WEE1: variants seen among roughly 807,000 people sequenced by gnomAD.
WEE1 encodes the protein wee1-like protein kinase.
WEE1 carries 16 observed loss-of-function variants against 68.8 expected under a neutral mutation model. That is an observed-to-expected ratio of 0.23 (90% CI 0.16 to 0.35). The LOEUF is 0.35. Ranked by LOEUF, WEE1 falls within the 10% of genes least tolerant of loss-of-function variation. The pLI, the probability that WEE1 is intolerant of heterozygous loss-of-function variation, is 1.00. For missense variants in WEE1, 651 were observed against 824.1 expected, an observed-to-expected ratio of 0.79 and a Z score of 2.57; for synonymous variants, 349 against 318.7, an observed-to-expected ratio of 1.09 and a Z score of -1.01.
intron 5 of WEE1, chr11:9,577,964 G>C (rs1849582337): frequency 2.2e-6 from 1 of 449,244 alleles, no homozygotes; most frequent in South Asian, 1.6e-5. Context: ...GTCTTGGTCA[G>C]AATTCTGGTT....
chr11:9,586,729 C>G lies in WEE1; in HGVS notation c.1660C>G (p.Pro554Ala). The G allele has an allele frequency of 6.2e-7, 1 of 1,613,862 alleles. No homozygotes were observed. Among genetic ancestry groups the G allele is most frequent in the Non-Finnish European group, 8.5e-7 (1 of 1,179,980 alleles). Residue 554 changes from proline to alanine, a missense_variant, in exon 10 of 11, where the codon CCA (proline) becomes GCA (alanine). Pro to Ala is a conservative substitution (Grantham distance 27). Around this residue, in one of 5 missense-constraint regions of WEE1, gnomAD observed 115 missense variants for 142.7 expected, o/e 0.81. Transcript: ENST00000450114. The stretch of plus-strand genomic sequence containing the variant: ...TTTTAAGGTTATGATTCATCCAGAT[C>G]CAGAGAGAAGACCTTCAGCAATGGC... ...ELLKVMIHPD[P>A]ERRPSAMALV...
chr11:9,588,832 C>T lies in WEE1; in HGVS notation c.*230C>T. On this transcript the variant is annotated 3_prime_UTR_variant, in exon 11 of 11. Coordinates refer to ENST00000450114, the MANE Select transcript of WEE1 (RefSeq NM_003390.4). ...TAGGATGTGTCACTGTTGGATGTTACACCAGCCTTTCCAGGGTTAACCACT... is the reference window on the plus strand; with the variant it reads ...TAGGATGTGTCACTGTTGGATGTTATACCAGCCTTTCCAGGGTTAACCACT... 1.8e-6 allele frequency: 2 copies of T among 1,117,698 alleles called. No homozygotes were observed. The highest frequency in any genetic ancestry group is 3.3e-5 in the South Asian group (1 of 30,248). The allele number at this position is 1,117,698 out of a possible 1,614,324, so 69.2% of individuals were successfully genotyped here. A position where few individuals can be genotyped will look rare whatever the true frequency, so the allele number is the denominator to read the frequency against.
chr11:9,580,844 T>A (rs575755691), intron 5 of WEE1: 1 of 152,364 alleles, frequency 6.6e-6, no homozygotes, highest in African/African-American at 2.4e-5. Flanking sequence ...TAGAGTGATC[T>A]TTAAGATAAT....
At chr11:9,582,912 A>C (rs992947054) in intron 6 of WEE1, among the ~76,000 whole-genome samples, 2 of 152,206 alleles carry the variant, frequency 1.3e-5, no homozygotes, top group African/African-American at 2.4e-5. Context: ...TTAAGGCAGT[A>C]AATGTGAATT....
intron 5 of WEE1, 131 bp downstream of exon 5, chr11:9,577,394 T>C (rs1257692174): frequency 8.3e-7 from 1 of 1,210,542 alleles, no homozygotes; most frequent in African/African-American, 1.5e-5. Flanking sequence ...AGACCTAACA[T>C]AAATTTCAAG....
In WEE1 at chr11:9,576,465, A is replaced by G. The variant is rs775269428; in HGVS notation, c.847-22A>G. 1.1e-5 allele frequency: 18 copies of G among 1,605,030 alleles called. No individual in the cohort carries two copies. In the Middle Eastern group the frequency reaches 6.7e-4, roughly 60 times the overall value. On this transcript the variant is annotated intron_variant, in intron 3 of 10. Coordinates refer to ENST00000450114, the MANE Select transcript of WEE1 (RefSeq NM_003390.4). This position sits in a 1 kb window ranked among gnomAD's most constrained non-coding sequence, Gnocchi z 4.3. Reference sequence around the variant, plus strand: ...GTTTTCGTATATTTGTATTACATATATGGAAACACTTTTTATTACAGAGAA... The same window carrying G: ...GTTTTCGTATATTTGTATTACATATGTGGAAACACTTTTTATTACAGAGAA...
intron 6 of WEE1, among the ~76,000 whole-genome samples, chr11:9,584,936 G>A (rs921185711): frequency 6.6e-6 from 1 of 152,164 alleles, no homozygotes; most frequent in African/African-American, 2.4e-5. Flanking sequence ...TTAGCTAGAT[G>A]TGGCATGTGC....
At position 9,574,874 on chromosome 11, in the gene WEE1, C is replaced by G; in HGVS notation, c.576+365C>G. 1.0e-6 allele frequency: 1 copy of G among 987,408 alleles called. No homozygotes were observed. 61.2% of individuals were successfully genotyped at this position (987,408 alleles called of 1,614,324 possible). The stretch of plus-strand genomic sequence containing the variant: ...TGCCGGCCCGGCCACCTGACACTCC[C>G]GAGCCATAGGATGCCTTTTAAACGC... On this transcript the variant is annotated intron_variant, in intron 1 of 10. Transcript: ENST00000450114. The surrounding 1 kb of genome is among the most constrained non-coding windows in gnomAD (Gnocchi z 4.9).
At chr11:9,588,115 A>C (rs1228183266) in intron 10 of WEE1, among the ~76,000 whole-genome samples, 3 of 152,152 alleles carry the variant, frequency 2.0e-5, no homozygotes, top group Non-Finnish European at 4.4e-5. Context: ...CCTGGGCCCA[A>C]GCGATCCTCC....
At chr11:9,585,617 G>T in intron 8 of WEE1, 90 bp downstream of exon 8, 1 of 1,063,456 alleles carries the variant, frequency 9.4e-7, no homozygotes, top group Non-Finnish European at 1.3e-6. Flanking sequence ...AAACTTTGAA[G>T]TTAACTAATA....
intron 6 of WEE1, among the ~76,000 whole-genome samples, chr11:9,583,761 G>GCACACACA (rs1157681380): frequency 7.2e-4 from 35 of 48,900 alleles, no homozygotes; most frequent in African/African-American, 9.8e-4. Context: ...GCACGCGCGC[G>GCACACACA]CACACACACA....
rs2134340765 is a variant in WEE1 at position 9,576,410 on chromosome 11, A to G, written c.847-77A>G. 3 of 1,567,342 alleles carry G rather than the reference A, an allele frequency of 1.9e-6. No homozygotes were observed. The highest frequency in any genetic ancestry group is 4.5e-5 in the East Asian group (2 of 44,482). ...GTAGAATGGTTTTTAAATTTCACAC[A>G]TAGCCCTATCACCATAGCAAGAAAT... is the stretch of plus-strand genomic sequence containing the variant. On this transcript the variant is annotated intron_variant, in intron 3 of 10. Coordinates refer to ENST00000450114, the MANE Select transcript of WEE1 (RefSeq NM_003390.4). The surrounding 1 kb of genome is among the most constrained non-coding windows in gnomAD (Gnocchi z 4.3).
At chr11:9,577,501 C>CT in intron 5 of WEE1, 1 of 454,970 alleles carries the variant, frequency 2.2e-6, no homozygotes. Flanking sequence ...TCCAACTGAG[C>CT]TTTTTGACAA....
At chr11:9,579,704 A>T (rs375806494) in intron 5 of WEE1, 1 of 151,842 alleles carries the variant, frequency 6.6e-6, no homozygotes, top group Non-Finnish European at 1.5e-5. Context: ...GACTTAGCCT[A>T]TCTTGTCTGA....
intron 10 of WEE1, among the ~76,000 whole-genome samples, chr11:9,587,943 A>G (rs939178662): frequency 6.6e-6 from 1 of 151,084 alleles, no homozygotes; most frequent in Non-Finnish European, 1.5e-5. Flanking sequence ...CGCAATATAA[A>G]TTGGAGTTTT....
At position 9,589,327 on chromosome 11, in the gene WEE1, C is replaced by T. The variant is rs771214888; in HGVS notation, c.*725C>T. The T allele has an allele frequency of 1.0e-6, 1 of 984,528 alleles. No individual in the cohort carries two copies. Among genetic ancestry groups the T allele is most frequent in the South Asian group, 4.7e-5 (1 of 21,270 alleles). 61.0% of individuals were successfully genotyped at this position (984,528 alleles called of 1,614,324 possible). Reference sequence around the variant, plus strand: ...AGCTAGTGCATTGGAAAAATGCACCCTTTCCCTCCTTTGGAATGCTGTATT... The same window carrying T: ...AGCTAGTGCATTGGAAAAATGCACCTTTTCCCTCCTTTGGAATGCTGTATT... On this transcript the variant is annotated 3_prime_UTR_variant, in exon 11 of 11. Transcript: ENST00000450114.
In WEE1 at chr11:9,574,282, G is replaced by A; in HGVS notation, c.349G>A (p.Glu117Lys). 1 of 1,248,398 alleles carries A rather than the reference G, an allele frequency of 8.0e-7. No individual in the cohort carries two copies. The highest frequency in any genetic ancestry group is 1.0e-6 in the Non-Finnish European group (1 of 995,928). The allele number at this position is 1,248,398 out of a possible 1,614,324, so 77.3% of individuals were successfully genotyped here. A position where few individuals can be genotyped will look rare whatever the true frequency, so the allele number is the denominator to read the frequency against. ...GGAEGDSWEE[E>K]GFGSSSPVKS... ...GGCGGAGGGCGACTCGTGGGAGGAG[G>A]AGGGCTTCGGCTCCTCGTCGCCGGT... Residue 117 changes from glutamate to lysine, a missense_variant, in exon 1 of 11, where the codon GAG becomes AAG. Physicochemically the swap from Glu to Lys is moderately conservative, Grantham distance 56. Coordinates refer to ENST00000450114, the MANE Select transcript of WEE1 (RefSeq NM_003390.4). This position sits in a 1 kb window ranked among gnomAD's most constrained non-coding sequence, Gnocchi z 4.9.
rs1436698356 is a variant in WEE1, at chr11:9,589,243, TAGCTGCTTTTGATGAA to T, written c.*643_*658del. 1 of 985,494 alleles carries T rather than the reference TAGCTGCTTTTGATGAA, an allele frequency of 1.0e-6. No homozygotes were observed. The highest frequency in any genetic ancestry group is 1.2e-6 in the Non-Finnish European group (1 of 829,838). 61.0% of individuals were successfully genotyped at this position (985,494 alleles called of 1,614,324 possible). On this transcript the variant is annotated 3_prime_UTR_variant, in exon 11 of 11. Transcript: ENST00000450114. ...TTTTGAAACAATTATGTGAAATGTA[TAGCTGCTTTTGATGAA>T]AAGCAGCTATTTGCCTTTTTTTTTT...
intron 9 of WEE1, 29 bp from the exon 10 acceptor site, chr11:9,586,682 T>C (rs1849703391): frequency 6.2e-7 from 1 of 1,611,192 alleles, no homozygotes; most frequent in African/African-American, 1.3e-5. Context: ...AATGCATGTC[T>C]TTACCTTCAT....
Sources: gnomAD v4.1 joint callset for allele counts (sites outside exome capture counted in the v4.1 genomes callset) on GRCh38, gnomAD v4.1.1 for gene constraint, gnomAD v4.1.1 regional missense constraint, Gnocchi (gnomAD v3.1) non-coding constraint, MANE v1.5 for transcripts, NCBI Gene and HGNC (gene_info 2026-07-23, HGNC 2026-07-21) for gene names.